RARB: variants seen among roughly 807,000 people sequenced by gnomAD.
RARB encodes retinoic acid receptor beta.
RARB carries 17 observed loss-of-function variants against 51.9 expected under a neutral mutation model. The observed-to-expected ratio is 0.33, with a 90% CI of 0.22 to 0.49. The LOEUF (loss-of-function observed/expected upper bound fraction) is 0.49. Ranked by LOEUF, RARB falls within the 20% of genes least tolerant of loss-of-function variation. RARB has a pLI of 0.99. For synonymous variants in RARB, 215 were observed against 195.4 expected (o/e 1.10, Z -0.84); for missense variants, 369 against 550.8 (o/e 0.67, Z 3.30).
chr3:24,869,775 C>T (rs145204246), intron 2 of RARB, among the ~76,000 whole-genome samples: 44 of 152,188 alleles, frequency 2.9e-4, no homozygotes, highest in African/African-American at 1.1e-3. Flanking sequence ...TTTATCCTCT[C>T]TTCCTAACAG....
At chr3:25,315,655 C>T (rs953015551) in intron 5 of RARB, among the ~76,000 whole-genome samples, 3 of 152,176 alleles carry the variant, frequency 2.0e-5, no homozygotes, top group Non-Finnish European at 2.9e-5. Flanking sequence ...GCTCTGTCGC[C>T]CAGGCTGGAG....
chr3:25,325,979 T>G (rs568826432), intron 5 of RARB, among the ~76,000 whole-genome samples: 1 of 152,278 alleles, frequency 6.6e-6, no homozygotes, highest in African/African-American at 2.4e-5. Flanking sequence ...AAGCTGACTG[T>G]ACATCCCCTA....
chr3:25,549,922 G>C (rs1204745405), intron 3 of RARB, among the ~76,000 whole-genome samples: 4 of 151,838 alleles, frequency 2.6e-5, no homozygotes, highest in Admixed American at 2.6e-4. Context: ...CTCTCTCTCA[G>C]CTTTTGTGAT....
At chr3:25,390,735 G>A (rs1575365322) in intron 5 of RARB, among the ~76,000 whole-genome samples, 1 of 151,996 alleles carries the variant, frequency 6.6e-6, no homozygotes, top group African/African-American at 2.4e-5. Flanking sequence ...TTACTCTTTT[G>A]GGATATTTCA....
intron 5 of RARB, among the ~76,000 whole-genome samples, chr3:25,228,714 T>C (rs554329956): frequency 6.6e-6 from 1 of 152,154 alleles, no homozygotes; most frequent in African/African-American, 2.4e-5. Flanking sequence ...CTAAGTTCTC[T>C]ATGTGTGACT....
At chr3:24,838,986 T>G (rs967441963) in intron 1 of RARB, among the ~76,000 whole-genome samples, 2 of 151,782 alleles carry the variant, frequency 1.3e-5, no homozygotes, top group African/African-American at 4.8e-5. Context: ...CACCAAAACC[T>G]AATATATTAT....
chr3:25,099,517 T>G (rs554538379), intron 3 of RARB, among the ~76,000 whole-genome samples: 1 of 152,044 alleles, frequency 6.6e-6, no homozygotes, highest in Non-Finnish European at 1.5e-5. Flanking sequence ...ATATGTATCA[T>G]TGAATCAAAT....
intron 2 of RARB, among the ~76,000 whole-genome samples, chr3:24,922,937 G>C (rs79717129): frequency 0.034 from 5,130 of 152,216 alleles, 190 homozygotes; most frequent in East Asian, 0.18. Flanking sequence ...ACATTTATGA[G>C]AAAAGTAATT....
At chr3:25,474,586 G>A (rs543198068) in intron 2 of RARB, among the ~76,000 whole-genome samples, 1 of 151,852 alleles carries the variant, frequency 6.6e-6, no homozygotes, top group South Asian at 2.1e-4. Flanking sequence ...CATTTATTCT[G>A]TTTGGCTCTA....
At chr3:25,539,529 TC>T (rs1699282019) in intron 3 of RARB, among the ~76,000 whole-genome samples, 1 of 118,966 alleles carries the variant, frequency 8.4e-6, no homozygotes, top group African/African-American at 3.9e-5. Context: ...ACTCTCTCTC[TC>T]TCTTTTTTTT....
chr3:25,178,393 T>C (rs965124617), intron 5 of RARB, among the ~76,000 whole-genome samples: 4 of 152,178 alleles, frequency 2.6e-5, no homozygotes, highest in African/African-American at 9.7e-5. Flanking sequence ...ATGCCATTCT[T>C]AGTCTTTTTA....
At chr3:25,522,320 G>A (rs1295749061) in intron 3 of RARB, among the ~76,000 whole-genome samples, 3 of 152,116 alleles carry the variant, frequency 2.0e-5, no homozygotes, top group Admixed American at 1.3e-4. Flanking sequence ...GAGAAACTAA[G>A]AGAATGGTCT....
intron 2 of RARB, among the ~76,000 whole-genome samples, chr3:25,018,764 A>G (rs1043976345): frequency 6.6e-5 from 10 of 152,204 alleles, no homozygotes; most frequent in African/African-American, 2.2e-4. Flanking sequence ...AAGTTTGCTC[A>G]TAGGTAAAAT....
At position 25,508,064 on chromosome 3, in the gene RARB, A is replaced by C. The variant is rs529548622; in HGVS notation, c.448+6741A>C. On this transcript the variant is annotated intron_variant, in intron 3 of 7. Coordinates refer to ENST00000330688, the MANE Select transcript of RARB (RefSeq NM_000965.5). ...TGCCCATGCCCTTGAGTGATGGGCA[A>C]AACATGTCTTTGATTTTGTTTGAGA... Among the ~76,000 whole-genome samples the C allele has an allele frequency of 2.0e-4, 30 of 152,332 alleles. 1 individual carries two copies. The South Asian group carries it at 4.1e-3, about 21-fold the overall frequency.
At chr3:24,947,293 C>A (rs772152225) in intron 2 of RARB, among the ~76,000 whole-genome samples, 1 of 152,164 alleles carries the variant, frequency 6.6e-6, no homozygotes, top group Admixed American at 6.5e-5. Context: ...TCTTCCTTTA[C>A]GATGACATCA....
At chr3:25,471,983 ACT>A (rs1695720836) in intron 2 of RARB, among the ~76,000 whole-genome samples, 1 of 151,902 alleles carries the variant, frequency 6.6e-6, no homozygotes, top group South Asian at 2.1e-4. Flanking sequence ...TGGTCTTCCC[ACT>A]CTCTACAGTT....
At chr3:24,891,651 G>A (rs1005446779) in intron 2 of RARB, among the ~76,000 whole-genome samples, 1 of 152,098 alleles carries the variant, frequency 6.6e-6, no homozygotes, top group Non-Finnish European at 1.5e-5. Context: ...CTGATAGTGT[G>A]GAGTGTGTGG....
intron 5 of RARB, among the ~76,000 whole-genome samples, chr3:25,380,321 A>C (rs1706587930): frequency 6.6e-6 from 1 of 152,132 alleles, no homozygotes; most frequent in South Asian, 2.1e-4. Context: ...GGGTGAACCC[A>C]GCTCTTAATC....
rs535457209 is a variant in RARB at position 25,565,778 on chromosome 3, A to G, written c.449-3980A>G. ...CGGAAGGGCCTTACATTCTTCCTGC[A>G]TAACTAACCCACATAGGCCTTTACA... On this transcript the variant is annotated intron_variant, in intron 3 of 7. Transcript: ENST00000330688. Among the ~76,000 whole-genome samples the G allele has an allele frequency of 5.9e-5, 9 of 152,232 alleles. No individual in the cohort carries two copies. The South Asian group carries it at 1.7e-3, about 28-fold the overall frequency.
Sources: gnomAD v4.1 joint callset for allele counts (sites outside exome capture counted in the v4.1 genomes callset) on GRCh38, gnomAD v4.1.1 for gene constraint, MANE v1.5 for transcripts, NCBI Gene and HGNC (gene_info 2026-07-23, HGNC 2026-07-21) for gene names.